The following DIP2A variants were observed in gnomAD, a reference collection of about 807,000 sequenced individuals.
The protein encoded by DIP2A is disco-interacting protein 2 homolog A.
A neutral mutation model predicts 177.4 loss-of-function variants in DIP2A; 85 were observed. The ratio of observed to expected loss-of-function variants is 0.48; its 90% CI spans 0.40 to 0.57. The LOEUF is 0.57. Among genes scored for constraint, DIP2A ranks in the 20% least tolerant of loss-of-function variants. The probability of loss-of-function intolerance (pLI) is 0.00; values close to 1 mark genes in which losing one functional copy is unlikely to be tolerated. For synonymous variants in DIP2A, 886 were observed against 881.8 expected, an observed-to-expected ratio of 1.00 and a Z score of -0.08; for missense variants, 1,791 against 2,100.2, an observed-to-expected ratio of 0.85 and a Z score of 2.88.
rs2056960249 is a variant in DIP2A at position 46,490,669 on chromosome 21, A to G, written c.233A>G (p.Lys78Arg). Residue 78 changes from lysine to arginine, a missense_variant, in exon 3 of 38, where the codon AAG becomes AGG. Transcript: ENST00000417564. ...GPSQTTAAAP[K>R]QQKSRPTASR... ...TCACAAACCACGGCCGCTGCACCCA[A>G]GCAGCAGAAGTCTCGGCCCACCGCC... 1.9e-6 allele frequency: 3 copies of G among 1,590,598 alleles called. No homozygotes were observed. Among genetic ancestry groups the G allele is most frequent in the Non-Finnish European group, 1.7e-6 (2 of 1,168,590 alleles).
At chr21:46,501,296 T>C (rs2057634330) in intron 5 of DIP2A, among the ~76,000 whole-genome samples, 1 of 152,202 alleles carries the variant, frequency 6.6e-6, no homozygotes, top group African/African-American at 2.4e-5. Flanking sequence ...ACATTAAGCC[T>C]TTTTTATACA....
chr21:46,554,294 T>G lies in DIP2A; in HGVS notation c.3154+2T>G. On this transcript the variant is annotated splice_donor_variant, in intron 26 of 37. Coordinates refer to ENST00000417564, the MANE Select transcript of DIP2A (RefSeq NM_015151.4). LOFTEE classifies it high-confidence loss of function. ...ATGTGGCTCTGGTCTACCCACCAGG[T>G]GGGCTCACTGTGGGGCTGTCCACCT... The G allele has an allele frequency of 6.2e-7, 1 of 1,613,714 alleles. No individual in the cohort carries two copies. Among genetic ancestry groups the G allele is most frequent in the Non-Finnish European group, 8.5e-7 (1 of 1,179,754 alleles).
chr21:46,579,918 A>G, the DIP2A span, among the ~76,000 whole-genome samples: 2 of 152,180 alleles, frequency 1.3e-5, no homozygotes, highest in Non-Finnish European at 2.9e-5. Flanking sequence ...AGAAGAATGT[A>G]TATTCTGTTG....
chr21:46,491,524 T>C (rs2148480926), intron 3 of DIP2A, among the ~76,000 whole-genome samples: 1 of 152,342 alleles, frequency 6.6e-6, no homozygotes, highest in South Asian at 2.1e-4. Context: ...GGCAAACAGC[T>C]TCTTCTCTGA....
chr21:46,461,271 C>CAAAAAAAAA (rs60346777), intron 1 of DIP2A, among the ~76,000 whole-genome samples: 1,071 of 49,154 alleles, frequency 0.022, 96 homozygotes, highest in Middle Eastern at 0.053. Context: ...CTCTTCTCAC[C>CAAAAAAAAA]AAAAAAAAAA....
At chr21:46,580,297 G>A in the DIP2A span, among the ~76,000 whole-genome samples, 1 of 152,034 alleles carries the variant, frequency 6.6e-6, no homozygotes, top group South Asian at 2.1e-4. Context: ...CCATTTGCTT[G>A]GTAAATTTTC....
intron 19 of DIP2A, 102 bp from the exon 20 acceptor site, chr21:46,545,779 C>T (rs2060007103): frequency 2.2e-6 from 3 of 1,351,266 alleles, no homozygotes; most frequent in South Asian, 2.5e-5. Flanking sequence ...CCCTGGCCAG[C>T]AGGCGCACAC....
downstream of DIP2A, among the ~76,000 whole-genome samples, chr21:46,574,137 A>G (rs1057167598): frequency 2.6e-5 from 4 of 152,234 alleles, no homozygotes; most frequent in Admixed American, 2.0e-4. Context: ...ATTTAAAAAT[A>G]TACAAAGTCT....
intron 17 of DIP2A, among the ~76,000 whole-genome samples, chr21:46,540,373 G>T (rs989224882): frequency 7.9e-5 from 12 of 152,260 alleles, no homozygotes; most frequent in African/African-American, 2.9e-4. Flanking sequence ...ACCCGGCCTG[G>T]TGCTTAGTGC....
chr21:46,538,735 T>C, intron 16 of DIP2A, 133 bp downstream of exon 16: 3 of 1,308,552 alleles, frequency 2.3e-6, no homozygotes, highest in Non-Finnish European at 3.1e-6. Flanking sequence ...TCCCATCGTT[T>C]CTATGACACG....
intron 21 of DIP2A, among the ~76,000 whole-genome samples, chr21:46,547,995 C>G (rs2060124942): frequency 6.6e-6 from 1 of 152,102 alleles, no homozygotes; most frequent in Non-Finnish European, 1.5e-5. Context: ...GTTACTCAAA[C>G]TAAGGTACTT....
rs949660544 is a variant in DIP2A, at chr21:46,556,455, G to A, written c.3498+364G>A. On this transcript the variant is annotated intron_variant, in intron 29 of 37. Transcript: ENST00000417564. This position sits in a 1 kb window ranked among gnomAD's most constrained non-coding sequence, Gnocchi z 4.5. The stretch of plus-strand genomic sequence containing the variant: ...TCCCAGCACTTCGGGAGGCCGAGGC[G>A]GGTGGATCACAAGATCAAGAGATGG... The A allele has an allele frequency of 1.6e-5, 18 of 1,146,214 alleles. No individual in the cohort carries two copies. Among genetic ancestry groups the A allele is most frequent in the African/African-American group, 3.2e-5 (2 of 62,782 alleles). 71.0% of individuals were successfully genotyped at this position (1,146,214 alleles called of 1,614,324 possible).
chr21:46,560,639 G>A, intron 32 of DIP2A, 83 bp from the exon 33 acceptor site: 3 of 1,526,234 alleles, frequency 2.0e-6, no homozygotes, highest in Non-Finnish European at 2.7e-6. Flanking sequence ...GGCCAGGGAG[G>A]AGCTGCCATG....
At chr21:46,502,695 G>T (rs1159288822) in intron 5 of DIP2A, among the ~76,000 whole-genome samples, 3 of 151,938 alleles carry the variant, frequency 2.0e-5, no homozygotes, top group Non-Finnish European at 4.4e-5. Flanking sequence ...TGATCTGCCC[G>T]CCTTGACCTT....
intron 5 of DIP2A, among the ~76,000 whole-genome samples, chr21:46,503,637 C>T (rs868309118): frequency 0.013 from 999 of 79,072 alleles, 11 homozygotes; most frequent in African/African-American, 0.05. Context: ...TCTTTCTTTC[C>T]TTTCTTTCTT....
chr21:46,466,267 A>G (rs1038029916), intron 1 of DIP2A, among the ~76,000 whole-genome samples: 1 of 152,142 alleles, frequency 6.6e-6, no homozygotes, highest in Non-Finnish European at 1.5e-5. Flanking sequence ...AGATTCATTC[A>G]AAAGATAGAC....
rs563262612 is a variant in DIP2A, at chr21:46,519,657, G to A, written c.1102+8043G>A. On this transcript the variant is annotated intron_variant, in intron 8 of 37. Coordinates refer to ENST00000417564, the MANE Select transcript of DIP2A (RefSeq NM_015151.4). ...GAAGATTAATAAGTGTTCAGTTTAA[G>A]AAAACATTGAGTAAGCTTATCCTGC... 3.3e-5 allele frequency among the ~76,000 whole-genome samples: 5 copies of A among 152,204 alleles called. No homozygotes were observed. In the South Asian group the frequency reaches 8.3e-4, roughly 25 times the overall value.
the DIP2A span, among the ~76,000 whole-genome samples, chr21:46,580,493 C>T: frequency 5.9e-4 from 90 of 152,284 alleles, no homozygotes; most frequent in African/African-American, 2.2e-3. Flanking sequence ...CATCATAATG[C>T]TAGCTGGTTA....
At chr21:46,558,073 G>A in intron 31 of DIP2A, 150 bp from the exon 32 acceptor site, 1 of 858,514 alleles carries the variant, frequency 1.2e-6, no homozygotes, top group Non-Finnish European at 1.7e-6. Context: ...CCACACGTAG[G>A]ATTCTGTGGA....
Sources: allele counts gnomAD v4.1 joint callset (sites outside exome capture counted in the v4.1 genomes callset), GRCh38; gene constraint gnomAD v4.1.1; non-coding constraint Gnocchi (gnomAD v3.1); transcripts MANE v1.5; gene names NCBI Gene and HGNC (gene_info 2026-07-23, HGNC 2026-07-21).